The following MAPK10 variants were observed in gnomAD, a reference collection of about 807,000 sequenced individuals.
MAPK10 encodes mitogen-activated protein kinase 10.
In MAPK10, 25 loss-of-function variants were observed where a neutral mutation model predicts 59.3. The observed-to-expected ratio is 0.42, with a 90% confidence interval of 0.31 to 0.59. MAPK10 has a LOEUF of 0.59. Among genes scored for constraint, MAPK10 ranks in the 20% least tolerant of loss-of-function variants. The pLI is 0.15. For synonymous variants in MAPK10, 190 were observed against 200.5 expected (o/e 0.95, Z 0.44); for missense variants, 351 against 568.9 (o/e 0.62, Z 3.90).
chr4:86,426,715 G>A (rs930014454), intron 1 of MAPK10, among the ~76,000 whole-genome samples: 9 of 152,010 alleles, frequency 5.9e-5, no homozygotes, highest in East Asian at 1.9e-4. Context: ...CTGTTCCTAC[G>A]TCCTGGAATC....
intron 3 of MAPK10, among the ~76,000 whole-genome samples, chr4:86,177,989 G>A (rs1338973185): frequency 6.6e-6 from 1 of 151,866 alleles, no homozygotes; most frequent in Non-Finnish European, 1.5e-5. Flanking sequence ...GTTTAATCTT[G>A]GCTATTATAT....
chr4:86,220,525 T>C (rs1293603321), intron 2 of MAPK10, among the ~76,000 whole-genome samples: 1 of 152,212 alleles, frequency 6.6e-6, no homozygotes, highest in East Asian at 1.9e-4. Flanking sequence ...TATTTAGTCC[T>C]GAAGAATTTA....
At chr4:86,456,971 G>A (rs894774441), upstream of MAPK10, among the ~76,000 whole-genome samples, 3 of 152,140 alleles carry the variant, frequency 2.0e-5, no homozygotes, top group African/African-American at 7.2e-5. Context: ...GATCAAGTGG[G>A]TTTCATACCA....
intron 2 of MAPK10, among the ~76,000 whole-genome samples, chr4:86,265,227 G>A (rs1033095475): frequency 3.3e-5 from 5 of 152,022 alleles, no homozygotes; most frequent in Non-Finnish European, 7.4e-5. Flanking sequence ...AAAGTATTAT[G>A]ATATGGGCCG....
At chr4:86,509,524 A>G (rs1239021498) in intron 1 of MAPK10, among the ~76,000 whole-genome samples, 1 of 152,152 alleles carries the variant, frequency 6.6e-6, no homozygotes, top group African/African-American at 2.4e-5. Flanking sequence ...TTGTCTAGTC[A>G]AGAAAACCAG....
chr4:86,257,547 A>G (rs954458314), intron 2 of MAPK10, among the ~76,000 whole-genome samples: 8 of 152,254 alleles, frequency 5.3e-5, no homozygotes, highest in Non-Finnish European at 8.8e-5. Flanking sequence ...CCTGGTTCAC[A>G]GTCTCCCTCT....
intron 4 of MAPK10, among the ~76,000 whole-genome samples, chr4:86,145,760 T>C (rs1258493089): frequency 6.6e-6 from 1 of 152,152 alleles, no homozygotes; most frequent in Admixed American, 6.5e-5. Flanking sequence ...TTCTCCTCTT[T>C]TACTCTGTCT....
intron 1 of MAPK10, among the ~76,000 whole-genome samples, chr4:86,503,924 T>A (rs552612053): frequency 3.5e-4 from 54 of 152,208 alleles, no homozygotes; most frequent in African/African-American, 1.2e-3. Context: ...ACAGCAAACA[T>A]GCTCCCACCT....
chr4:86,437,621 G>A (rs573840803), intron 1 of MAPK10, among the ~76,000 whole-genome samples: 3 of 152,308 alleles, frequency 2.0e-5, no homozygotes, highest in South Asian at 2.1e-4. Flanking sequence ...TGAGGTTGCA[G>A]AGGAAATTGA....
intron 3 of MAPK10, 144 bp from the exon 4 acceptor site, chr4:86,159,611 T>A (rs945684926): frequency 6.3e-6 from 4 of 631,736 alleles, no homozygotes; most frequent in African/African-American, 5.6e-5. Context: ...AAAAAAAATA[T>A]GTATCAGTCC....
chr4:86,222,746 G>C (rs1201206798), intron 2 of MAPK10, among the ~76,000 whole-genome samples: 1 of 152,148 alleles, frequency 6.6e-6, no homozygotes, highest in South Asian at 2.1e-4. Flanking sequence ...GGTCCTCCAG[G>C]CCTCCAGAAG....
chr4:86,055,999 T>G (rs2044476359), intron 11 of MAPK10, among the ~76,000 whole-genome samples: 1 of 150,108 alleles, frequency 6.7e-6, no homozygotes, highest in South Asian at 2.1e-4. Flanking sequence ...ACAAAAACTG[T>G]AGTTTCAGAA....
At chr4:86,588,445 A>T (rs903123038) in intron 1 of MAPK10, among the ~76,000 whole-genome samples, 14 of 152,210 alleles carry the variant, frequency 9.2e-5, no homozygotes, top group African/African-American at 3.1e-4. Context: ...ATATATATTT[A>T]TAGATATAGG....
intron 1 of MAPK10, among the ~76,000 whole-genome samples, chr4:86,441,279 T>C (rs1340359473): frequency 6.6e-6 from 1 of 152,214 alleles, no homozygotes; most frequent in African/African-American, 2.4e-5. Context: ...GAGAATTTTT[T>C]ACCTAGAGGG....
At chr4:86,189,981 CT>C (rs2079271338) in intron 3 of MAPK10, among the ~76,000 whole-genome samples, 1 of 152,082 alleles carries the variant, frequency 6.6e-6, no homozygotes, top group African/African-American at 2.4e-5. Flanking sequence ...TATCGAAGGC[CT>C]TTTCTGCATC....
chr4:86,542,154 T>C (rs1193984967), intron 1 of MAPK10, among the ~76,000 whole-genome samples: 1 of 152,162 alleles, frequency 6.6e-6, no homozygotes, highest in Non-Finnish European at 1.5e-5. Flanking sequence ...TTATCCATAA[T>C]GTCCAGAAAA....
intron 2 of MAPK10, among the ~76,000 whole-genome samples, chr4:86,294,660 G>A (rs938807040): frequency 6.6e-6 from 1 of 152,142 alleles, no homozygotes; most frequent in East Asian, 1.9e-4. Context: ...GTTGCCTGGA[G>A]GCAGCTCTAA....
Position 86,386,235 on chromosome 4 carries a change from G to A in MAPK10, c.-121-31591C>T, listed in dbSNP as rs773725865. ...CGCTCCTGGTTGACATTGGAGATAC[G>A]ATTCGCTAAGCATACTTCTAGCATC... On this transcript the variant is annotated intron_variant, in intron 1 of 13. Coordinates refer to the MAPK10 transcript ENST00000361569. Among the ~76,000 whole-genome samples, 4 of 152,284 alleles carry A rather than the reference G, an allele frequency of 2.6e-5. No individual in the cohort carries two copies. In the East Asian group the frequency reaches 5.8e-4, roughly 22 times the overall value.
At chr4:86,074,571 T>A (rs1045265175) in intron 9 of MAPK10, among the ~76,000 whole-genome samples, 1 of 124,672 alleles carries the variant, frequency 8.0e-6, no homozygotes, top group Admixed American at 7.5e-5. Context: ...CTTCAGGAGC[T>A]CTTTTAGGGC....
Sources: gnomAD v4.1 joint callset for allele counts (sites outside exome capture counted in the v4.1 genomes callset) on GRCh38, gnomAD v4.1.1 for gene constraint, MANE v1.5 for transcripts, NCBI Gene and HGNC (gene_info 2026-07-23, HGNC 2026-07-21) for gene names.